Variants in CACNA1C observed in about 807,000 individuals in gnomAD.
CACNA1C encodes the protein calcium voltage-gated channel subunit alpha1 C, also known as voltage-dependent L-type calcium channel subunit alpha-1C.
CACNA1C carries 30 observed loss-of-function variants against 229.0 expected under a neutral mutation model. The observed-to-expected ratio is 0.13, with a 90% CI of 0.10 to 0.18. The LOEUF (loss-of-function observed/expected upper bound fraction) is 0.18, where lower values mean the gene tolerates loss of function less well. Among genes scored for constraint, CACNA1C ranks in the 10% least tolerant of loss-of-function variants. CACNA1C has a pLI of 1.00. For missense variants in CACNA1C, 1,658 were observed against 2,845.0 expected, an observed-to-expected ratio of 0.58 and a Z score of 9.49; for synonymous variants, 1,114 against 1,132.5, an observed-to-expected ratio of 0.98 and a Z score of 0.33.
intron 3 of CACNA1C, among the ~76,000 whole-genome samples, chr12:2,441,661 A>T (rs1303319266): frequency 6.6e-6 from 1 of 152,224 alleles, no homozygotes; most frequent in Non-Finnish European, 1.5e-5. Context: ...AGTGGTATTC[A>T]AAGTTCCAAG....
At chr12:2,040,506 C>T (rs1165316958) in intron 1 of CACNA1C, among the ~76,000 whole-genome samples, 3 of 152,150 alleles carry the variant, frequency 2.0e-5, no homozygotes, top group Admixed American at 6.5e-5. Flanking sequence ...TTATCAAAGT[C>T]TAAGCGGTAG....
At chr12:2,541,117 C>T (rs2099868992) in intron 9 of CACNA1C, among the ~76,000 whole-genome samples, 3 of 152,100 alleles carry the variant, frequency 2.0e-5, no homozygotes. Flanking sequence ...GGATTCAGCC[C>T]ACCCTCATGA....
chr12:2,474,547 G>A (rs1278781818), intron 5 of CACNA1C, among the ~76,000 whole-genome samples: 3 of 152,126 alleles, frequency 2.0e-5, no homozygotes, highest in Non-Finnish European at 2.9e-5. Context: ...TTGAGGCCAG[G>A]AGTTTGAGAC....
chr12:2,438,304 GGTGGTGGTT>G (rs1408096913), intron 3 of CACNA1C, among the ~76,000 whole-genome samples: 2 of 147,680 alleles, frequency 1.4e-5, no homozygotes, highest in Non-Finnish European at 3.0e-5. Context: ...TGGTGGTGGT[GGTGGTGGTT>G]GTGGTGATGG....
At chr12:2,592,608 G>A (rs1157771247) in intron 18 of CACNA1C, among the ~76,000 whole-genome samples, 1 of 152,156 alleles carries the variant, frequency 6.6e-6, no homozygotes, top group Non-Finnish European at 1.5e-5. Flanking sequence ...CTGGGAGAAC[G>A]AAGGCGCTTC....
rs369483452 is a variant in CACNA1C at position 2,115,250 on chromosome 12, G to A, written c.76G>A (p.Ala26Thr). 59 of 1,585,740 alleles carry A rather than the reference G, an allele frequency of 3.7e-5. No homozygotes were observed. The highest frequency in any genetic ancestry group is 1.7e-4 in the Middle Eastern group (1 of 6,012). Residue 26 changes from alanine (A) to threonine (T), a missense_variant, in exon 2 of 47, where the codon GCC (alanine) becomes ACC (threonine). Physicochemically the swap from Ala to Thr is moderately conservative, Grantham distance 58. This residue lies in a region of CACNA1C where 111 missense variants were observed against 128.0 expected (regional missense o/e 0.87). Transcript: ENST00000399655. The part of the protein sequence containing the change: ...QGSNYGSPRP[A>T]HANMNANAAA... ...TTCCAACTATGGGAGCCCACGCCCC[G>A]CCCATGCCAACATGAATGCCAATGC...
intron 3 of CACNA1C, among the ~76,000 whole-genome samples, chr12:2,157,977 C>T (rs984629926): frequency 2.0e-5 from 3 of 151,790 alleles, no homozygotes; most frequent in Non-Finnish European, 4.4e-5. Context: ...GGTTAGAAAA[C>T]AAAATTGAAG....
chr12:2,480,195 G>A (rs1250646455), intron 5 of CACNA1C, among the ~76,000 whole-genome samples: 3 of 152,156 alleles, frequency 2.0e-5, no homozygotes, highest in Admixed American at 1.3e-4. Context: ...GCCAGGAGGA[G>A]CATGGGGCTG....
chr12:2,427,954 T>C (rs2099048764), intron 3 of CACNA1C, among the ~76,000 whole-genome samples: 1 of 152,170 alleles, frequency 6.6e-6, no homozygotes, highest in Non-Finnish European at 1.5e-5. Context: ...ATACCATTGA[T>C]TTTGGAATGT....
intron 1 of CACNA1C, among the ~76,000 whole-genome samples, chr12:2,092,484 C>T (rs1337669254): frequency 2.0e-5 from 3 of 152,144 alleles, no homozygotes; most frequent in South Asian, 2.1e-4. Context: ...GAAGGAGCCT[C>T]GCACCCTGGA....
At chr12:1,986,067 C>A (rs2037659108) in intron 1 of CACNA1C, among the ~76,000 whole-genome samples, 1 of 152,234 alleles carries the variant, frequency 6.6e-6, no homozygotes, top group South Asian at 2.1e-4. Context: ...CCCGCCTTGG[C>A]CTCCCAAAGT....
intron 6 of CACNA1C, among the ~76,000 whole-genome samples, chr12:2,487,830 A>C (rs1279674088): frequency 6.6e-6 from 1 of 152,158 alleles, no homozygotes; most frequent in African/African-American, 2.4e-5. Flanking sequence ...CCTTCCTTTT[A>C]TTCAGGTTGA....
chr12:2,190,001 G>A (rs372343212), intron 3 of CACNA1C, among the ~76,000 whole-genome samples: 19 of 152,348 alleles, frequency 1.2e-4, no homozygotes, highest in African/African-American at 4.6e-4. Context: ...GACATGCCTT[G>A]TGGTTCAACG....
intron 9 of CACNA1C, among the ~76,000 whole-genome samples, chr12:2,546,628 G>T (rs548779581): frequency 6.6e-6 from 1 of 152,174 alleles, no homozygotes; most frequent in East Asian, 1.9e-4. Flanking sequence ...CCCATGCAGT[G>T]GGTAGTGTCT....
intron 3 of CACNA1C, among the ~76,000 whole-genome samples, chr12:2,257,407 G>A (rs989059550): frequency 3.3e-5 from 5 of 152,208 alleles, no homozygotes; most frequent in African/African-American, 1.2e-4. Flanking sequence ...AGGACCGAGA[G>A]GGGATGGTTT....
At chr12:2,460,348 G>A (rs951299981) in intron 5 of CACNA1C, among the ~76,000 whole-genome samples, 3 of 152,242 alleles carry the variant, frequency 2.0e-5, no homozygotes, top group Admixed American at 6.5e-5. Flanking sequence ...CTGCAGAGAA[G>A]CATGGGTGAA....
At chr12:2,401,285 T>G (rs148543139) in intron 3 of CACNA1C, among the ~76,000 whole-genome samples, 1,653 of 152,326 alleles carry the variant, frequency 0.011, 27 homozygotes, top group African/African-American at 0.038. Context: ...AGAGGAGGCT[T>G]CAGGATGAGT....
At chr12:2,660,011 C>A in intron 34 of CACNA1C, 1 of 190,514 alleles carries the variant, frequency 5.2e-6, no homozygotes, top group East Asian at 1.4e-4. Flanking sequence ...GCAAACCATA[C>A]CTTTTATGAG....
At chr12:2,004,064 A>T in intron 1 of CACNA1C, 2 of 640,876 alleles carry the variant, frequency 3.1e-6, no homozygotes, top group Non-Finnish European at 5.3e-6. Flanking sequence ...TTAGAGATTT[A>T]AGTCTTTTCC....
Sources: gnomAD v4.1 joint callset for allele counts (sites outside exome capture counted in the v4.1 genomes callset) on GRCh38, gnomAD v4.1.1 for gene constraint, gnomAD v4.1.1 regional missense constraint, MANE v1.5 for transcripts, NCBI Gene and HGNC (gene_info 2026-07-23, HGNC 2026-07-21) for gene names.